GRK5: variants seen among roughly 807,000 people sequenced by gnomAD.
GRK5 encodes G protein-coupled receptor kinase 5, also known as g protein-coupled receptor kinase GRK5.
In GRK5, 40 loss-of-function variants were observed where a neutral mutation model predicts 78.4. That is an observed-to-expected ratio of 0.51 (90% CI 0.40 to 0.66). GRK5 has a LOEUF of 0.66. Among genes scored for constraint, GRK5 ranks in the 30% least tolerant of loss-of-function variants. GRK5 has a pLI of 0.00. For missense variants in GRK5, 598 were observed against 759.9 expected (o/e 0.79, Z 2.50); for synonymous variants, 289 against 296.8 (o/e 0.97, Z 0.27).
intron 8 of GRK5, among the ~76,000 whole-genome samples, chr10:119,435,498 C>A (rs374756594): frequency 1.3e-5 from 2 of 152,210 alleles, no homozygotes; most frequent in African/African-American, 4.8e-5. Context: ...AGGGCAGGGG[C>A]AAAATGCCAG....
Position 119,217,449 on chromosome 10 carries a change from C to G in GRK5, c.52+9480C>G, listed in dbSNP as rs1299401542. Among the ~76,000 whole-genome samples, 1 of 152,226 alleles carries G rather than the reference C, an allele frequency of 6.6e-6. No individual in the cohort carries two copies. The highest frequency in any genetic ancestry group is 1.5e-5 in the Non-Finnish European group (1 of 68,046). ...CTGTACACACATAAGCACATGTGTA[C>G]GTATGTGGTATGATCGCCTGTGGAG... On this transcript the variant is annotated intron_variant, in intron 1 of 15. Coordinates refer to ENST00000392870, the MANE Select transcript of GRK5 (RefSeq NM_005308.3). The surrounding 1 kb of genome is among the most constrained non-coding windows in gnomAD (Gnocchi z 4.1).
intron 1 of GRK5, among the ~76,000 whole-genome samples, chr10:119,293,684 G>A (rs749023596): frequency 6.6e-6 from 1 of 151,554 alleles, no homozygotes; most frequent in Non-Finnish European, 1.5e-5. Context: ...AGATTTGCTG[G>A]GAATCTAGGA....
intron 2 of GRK5, among the ~76,000 whole-genome samples, chr10:119,375,092 C>T (rs975080783): frequency 6.6e-6 from 1 of 152,246 alleles, no homozygotes; most frequent in Non-Finnish European, 1.5e-5. Flanking sequence ...CCTCACCTCC[C>T]ATCCCTGAGT....
Position 119,259,372 on chromosome 10 carries a change from C to T in GRK5, c.52+51403C>T, listed in dbSNP as rs189628920. On this transcript the variant is annotated intron_variant, in intron 1 of 15. Transcript: ENST00000392870. ...AGCCACTGCGCCCGGCCTAACACTCCCTCTTTCATCTTGGCTCTGTCTACT... is the reference window on the plus strand; with the variant it reads ...AGCCACTGCGCCCGGCCTAACACTCTCTCTTTCATCTTGGCTCTGTCTACT... 2.2e-3 allele frequency among the ~76,000 whole-genome samples: 335 copies of T among 152,282 alleles called. 3 individuals are homozygous for T. The highest frequency in any genetic ancestry group is 7.8e-3 in the African/African-American group (325 of 41,550).
At chr10:119,261,127 C>T (rs1290708781) in intron 1 of GRK5, among the ~76,000 whole-genome samples, 2 of 149,544 alleles carry the variant, frequency 1.3e-5, no homozygotes, top group Admixed American at 1.3e-4. Flanking sequence ...CGGAGGGGTT[C>T]CTCACTTTTC....
intron 1 of GRK5, among the ~76,000 whole-genome samples, chr10:119,233,773 T>G (rs1448372736): frequency 6.6e-6 from 1 of 152,142 alleles, no homozygotes. Flanking sequence ...AGGCTGGATG[T>G]GCACCTTTGT....
chr10:119,326,451 G>T (rs1850680603), intron 1 of GRK5, 65 bp from the exon 2 acceptor site: 16 of 1,347,214 alleles, frequency 1.2e-5, no homozygotes, highest in Non-Finnish European at 1.7e-5. Flanking sequence ...TGGTGGGCAG[G>T]CTCACTGCGG....
intron 1 of GRK5, among the ~76,000 whole-genome samples, chr10:119,272,067 C>T (rs772861039): frequency 1.3e-5 from 2 of 152,176 alleles, no homozygotes; most frequent in Non-Finnish European, 2.9e-5. Context: ...ACGCGGCCCT[C>T]CTAGATGTAG....
At chr10:119,322,314 G>A (rs867105700) in intron 1 of GRK5, among the ~76,000 whole-genome samples, 1 of 152,136 alleles carries the variant, frequency 6.6e-6, no homozygotes. Flanking sequence ...TGTGCACAGC[G>A]CAATATTTAA....
chr10:119,353,004 G>T (rs1851209917), intron 2 of GRK5, among the ~76,000 whole-genome samples: 1 of 152,202 alleles, frequency 6.6e-6, no homozygotes, highest in Non-Finnish European at 1.5e-5. Flanking sequence ...GGGTATGCTG[G>T]CCAGTTGCCA....
chr10:119,262,295 C>A (rs934844553), intron 1 of GRK5, among the ~76,000 whole-genome samples: 1 of 150,532 alleles, frequency 6.6e-6, no homozygotes, highest in African/African-American at 2.4e-5. Context: ...TTCTGTGCAG[C>A]CTGAAGATTA....
chr10:119,240,415 A>C (rs1849005914), intron 1 of GRK5, among the ~76,000 whole-genome samples: 1 of 151,620 alleles, frequency 6.6e-6, no homozygotes, highest in East Asian at 1.9e-4. Context: ...GTTAGCCAGG[A>C]TGGTCTCGAC....
intron 3 of GRK5, among the ~76,000 whole-genome samples, 193 bp downstream of exon 3, chr10:119,381,120 A>G (rs537006152): frequency 6.6e-6 from 1 of 152,306 alleles, no homozygotes; most frequent in Non-Finnish European, 1.5e-5. Context: ...ACCTTGGGTG[A>G]CCTTGGGTGG....
rs1285734816 is a variant in GRK5, at chr10:119,457,492, C to G, written c.*2425C>G. ...TTTGCCACCAGCCCTCCCTGAGTGC[C>G]CAGAGGAGATGGGGGCAGAGTCACT... On this transcript the variant is annotated 3_prime_UTR_variant, in exon 16 of 16. Coordinates refer to ENST00000392870, the MANE Select transcript of GRK5 (RefSeq NM_005308.3). The G allele has an allele frequency of 6.6e-6, 1 of 152,132 alleles. No homozygotes were observed. The highest frequency in any genetic ancestry group is 1.5e-5 in the Non-Finnish European group (1 of 68,060). The allele number at this position is 152,132 out of a possible 1,614,324, so 9.4% of individuals were successfully genotyped here. A position where few individuals can be genotyped will look rare whatever the true frequency, so the allele number is the denominator to read the frequency against.
At position 119,324,637 on chromosome 10, in the gene GRK5, GA is replaced by G. The variant is rs796578536; in HGVS notation, c.53-1869del. On this transcript the variant is annotated intron_variant, in intron 1 of 15. Transcript: ENST00000392870. ...AGAGTGAGACTCTGTCTCAAAAAAA[GA>G]AAAAAAAAAGTTCCTGCCTTGTAGA... Among the ~76,000 whole-genome samples the G allele has an allele frequency of 6.0e-3, 897 of 150,182 alleles. 9 individuals carry two copies. Among genetic ancestry groups the G allele is most frequent in the East Asian group, 0.017 (85 of 5,108 alleles).
At chr10:119,387,135 G>A (rs1321206340) in intron 3 of GRK5, among the ~76,000 whole-genome samples, 1 of 152,090 alleles carries the variant, frequency 6.6e-6, no homozygotes, top group Non-Finnish European at 1.5e-5. Flanking sequence ...CTTCTGAGTA[G>A]CAGGGATTAC....
intron 3 of GRK5, among the ~76,000 whole-genome samples, chr10:119,395,284 G>A (rs756265692): frequency 2.0e-5 from 3 of 152,252 alleles, no homozygotes; most frequent in Non-Finnish European, 2.9e-5. Flanking sequence ...GAGAGGGCAA[G>A]ACAAGGACAC....
At chr10:119,384,182 C>G (rs1178630026) in intron 3 of GRK5, among the ~76,000 whole-genome samples, 3 of 152,146 alleles carry the variant, frequency 2.0e-5, no homozygotes, top group Non-Finnish European at 4.4e-5. Flanking sequence ...TGCCTGAAAT[C>G]CTCCCCACAG....
intron 2 of GRK5, among the ~76,000 whole-genome samples, chr10:119,356,988 T>C (rs1013199167): frequency 2.6e-5 from 4 of 152,242 alleles, no homozygotes; most frequent in Admixed American, 2.0e-4. Flanking sequence ...AGGCAGGGAA[T>C]GTCTTTGCCC....
Sources: gnomAD v4.1 joint callset for allele counts (sites outside exome capture counted in the v4.1 genomes callset) on GRCh38, gnomAD v4.1.1 for gene constraint, Gnocchi (gnomAD v3.1) non-coding constraint, MANE v1.5 for transcripts, NCBI Gene and HGNC (gene_info 2026-07-23, HGNC 2026-07-21) for gene names.